Variants in HPSE2 observed in about 807,000 individuals in gnomAD.
HPSE2 encodes heparanase 2 (inactive).
HPSE2 carries 38 observed loss-of-function variants against 60.5 expected under a neutral mutation model. That is an observed-to-expected ratio of 0.63 (90% CI 0.48 to 0.82). The LOEUF (loss-of-function observed/expected upper bound fraction) is 0.82. Ranked by LOEUF, HPSE2 falls within the 40% of genes least tolerant of loss-of-function variation. The pLI, the probability that HPSE2 is intolerant of heterozygous loss-of-function variation, is 0.00. For synonymous variants in HPSE2, 295 were observed against 293.2 expected (o/e 1.01, Z -0.06); for missense variants, 713 against 740.4 (o/e 0.96, Z 0.43).
chr10:98,956,336 C>G (rs1387106999), intron 3 of HPSE2, among the ~76,000 whole-genome samples: 1 of 152,034 alleles, frequency 6.6e-6, no homozygotes, highest in Non-Finnish European at 1.5e-5. Flanking sequence ...TATGATAGAG[C>G]ATGGTGTGTT....
At chr10:99,203,326 C>T (rs1035312587) in intron 2 of HPSE2, among the ~76,000 whole-genome samples, 7 of 152,122 alleles carry the variant, frequency 4.6e-5, no homozygotes, top group African/African-American at 1.7e-4. Context: ...CACCCTCAAA[C>T]CCAGTCTGTA....
At chr10:98,705,457 GTA>G (rs1391937272) in intron 5 of HPSE2, among the ~76,000 whole-genome samples, 6 of 152,160 alleles carry the variant, frequency 3.9e-5, no homozygotes, top group Non-Finnish European at 5.9e-5. Context: ...ATATGCACAT[GTA>G]TGTTTATTGT....
intron 5 of HPSE2, among the ~76,000 whole-genome samples, chr10:98,711,991 T>C (rs1347012617): frequency 6.6e-6 from 1 of 152,204 alleles, no homozygotes; most frequent in Non-Finnish European, 1.5e-5. Flanking sequence ...ACTATACTTC[T>C]GACAAATTCT....
rs950434646 is a variant in HPSE2, at chr10:99,175,974, C to A, written c.449-31575G>T. Among the ~76,000 whole-genome samples, 11 of 152,264 alleles carry A rather than the reference C, an allele frequency of 7.2e-5. No individual in the cohort carries two copies. The South Asian group carries it at 2.3e-3, about 32-fold the overall frequency. ...TGCAGCCTCTGCTGTGACACCCAGG[C>A]AAATGGCCTGGAGTGGACCTCCAGC... On this transcript the variant is annotated intron_variant, in intron 2 of 11. Coordinates refer to ENST00000370552, the MANE Select transcript of HPSE2 (RefSeq NM_021828.5).
chr10:98,840,527 G>C (rs1449515201), intron 3 of HPSE2, among the ~76,000 whole-genome samples: 1 of 152,154 alleles, frequency 6.6e-6, no homozygotes, highest in Non-Finnish European at 1.5e-5. Flanking sequence ...TGATGACAGT[G>C]GGAACAGAGA....
At position 99,130,474 on chromosome 10, in the gene HPSE2, A is replaced by G. The variant is rs911560413; in HGVS notation, c.610+13764T>C. On this transcript the variant is annotated intron_variant, in intron 3 of 11. Transcript: ENST00000370552. ...ACCAGAGATGCAGAGATGGTTTAACATACACAAGTTGTTGTACCTGAGCAA... is the reference window on the plus strand; with the variant it reads ...ACCAGAGATGCAGAGATGGTTTAACGTACACAAGTTGTTGTACCTGAGCAA... Among the ~76,000 whole-genome samples, 6 of 152,328 alleles carry G rather than the reference A, an allele frequency of 3.9e-5. No homozygotes were observed. The East Asian group carries it at 1.2e-3, about 29-fold the overall frequency.
intron 3 of HPSE2, among the ~76,000 whole-genome samples, chr10:98,775,151 T>C (rs1950312946): frequency 6.6e-6 from 1 of 152,208 alleles, no homozygotes; most frequent in Non-Finnish European, 1.5e-5. Flanking sequence ...ATTCCTTAGA[T>C]TTCCTTTCTT....
intron 3 of HPSE2, among the ~76,000 whole-genome samples, chr10:99,076,052 C>G (rs1842941704): frequency 6.6e-6 from 1 of 152,002 alleles, no homozygotes. Flanking sequence ...CCATTTTTTT[C>G]ATAGGTTTTT....
the HPSE2 span, among the ~76,000 whole-genome samples, chr10:99,261,104 C>T: frequency 6.6e-6 from 1 of 152,190 alleles, no homozygotes; most frequent in Non-Finnish European, 1.5e-5. Context: ...TTCTTTTACA[C>T]ATTGGTCCCT....
At chr10:99,262,406 A>T in the HPSE2 span, among the ~76,000 whole-genome samples, 2 of 152,010 alleles carry the variant, frequency 1.3e-5, no homozygotes, top group East Asian at 3.9e-4. Flanking sequence ...CTACAGCCAC[A>T]CCTCACTGCT....
chr10:98,545,823 A>G (rs974936705), intron 9 of HPSE2, among the ~76,000 whole-genome samples: 3 of 151,522 alleles, frequency 2.0e-5, no homozygotes, highest in Admixed American at 2.0e-4. Flanking sequence ...CAGGAGAAGG[A>G]AATAAAGGGT....
chr10:99,051,159 TG>T (rs1188883115), intron 3 of HPSE2, among the ~76,000 whole-genome samples: 2 of 152,132 alleles, frequency 1.3e-5, no homozygotes, highest in Non-Finnish European at 2.9e-5. Context: ...GGCATGCACC[TG>T]TAGTGCCAGC....
chr10:98,662,278 C>A (rs565508107), intron 6 of HPSE2, among the ~76,000 whole-genome samples: 1 of 152,118 alleles, frequency 6.6e-6, no homozygotes, highest in Non-Finnish European at 1.5e-5. Flanking sequence ...GGTGCCCCCC[C>A]GGAAACTGAC....
intron 2 of HPSE2, among the ~76,000 whole-genome samples, chr10:99,166,116 C>A (rs563616175): frequency 6.8e-6 from 1 of 146,860 alleles, no homozygotes; most frequent in East Asian, 2.0e-4. Flanking sequence ...TTAGAATTCA[C>A]CCAAGTTGTT....
chr10:99,189,010 CCAAGGCAA>C (rs1298850680), intron 2 of HPSE2, among the ~76,000 whole-genome samples: 1 of 152,206 alleles, frequency 6.6e-6, no homozygotes, highest in African/African-American at 2.4e-5. Context: ...GCAGCTGGCA[CCAAGGCAA>C]ACCAAACTGT....
intron 3 of HPSE2, among the ~76,000 whole-genome samples, chr10:99,048,959 T>C (rs1281984168): frequency 1.3e-5 from 2 of 152,190 alleles, no homozygotes; most frequent in Non-Finnish European, 2.9e-5. Context: ...GCCATAATCC[T>C]AAGTGAACTA....
At chr10:98,493,942 T>G (rs1300342198) in intron 9 of HPSE2, among the ~76,000 whole-genome samples, 4 of 152,230 alleles carry the variant, frequency 2.6e-5, no homozygotes, top group Non-Finnish European at 5.9e-5. Context: ...TTACCTTTTG[T>G]GCATATTCTA....
chr10:98,464,943 C>T (rs1156498764), intron 11 of HPSE2, among the ~76,000 whole-genome samples: 3 of 152,132 alleles, frequency 2.0e-5, no homozygotes, highest in East Asian at 1.9e-4. Context: ...GTTTTCCATC[C>T]TTAAAAAAGA....
At chr10:98,841,504 C>T (rs1268819976) in intron 3 of HPSE2, among the ~76,000 whole-genome samples, 1 of 152,186 alleles carries the variant, frequency 6.6e-6, no homozygotes, top group East Asian at 1.9e-4. Flanking sequence ...TTAACCCTCA[C>T]ACTGTAAGTA....
Sources: gnomAD v4.1 joint callset for allele counts (sites outside exome capture counted in the v4.1 genomes callset) on GRCh38, gnomAD v4.1.1 for gene constraint, MANE v1.5 for transcripts, NCBI Gene and HGNC (gene_info 2026-07-23, HGNC 2026-07-21) for gene names.